SLC12A1: variants seen among roughly 807,000 people sequenced by gnomAD.
The protein encoded by SLC12A1 is Na-K-2Cl cotransporter.
SLC12A1 carries 89 observed loss-of-function variants against 130.4 expected under a neutral mutation model. The ratio of observed to expected loss-of-function variants is 0.68; its 90% CI spans 0.58 to 0.81. The LOEUF is 0.81. Among genes scored for constraint, SLC12A1 ranks in the 40% least tolerant of loss-of-function variants. The pLI is 0.00. For missense variants in SLC12A1, 1,310 were observed against 1,336.4 expected (o/e 0.98, Z 0.31); for synonymous variants, 499 against 460.0 (o/e 1.08, Z -1.09).
At chr15:48,295,562 A>T (rs1304494408) in intron 24 of SLC12A1, among the ~76,000 whole-genome samples, 1 of 152,130 alleles carries the variant, frequency 6.6e-6, no homozygotes, top group Non-Finnish European at 1.5e-5. Flanking sequence ...GATGTCCACC[A>T]TGTTAATTTG....
intron 20 of SLC12A1, among the ~76,000 whole-genome samples, chr15:48,281,855 C>T (rs879862010): frequency 2.0e-4 from 30 of 152,260 alleles, no homozygotes; most frequent in Admixed American, 1.4e-3. Flanking sequence ...TTGGCTGGCT[C>T]CCCTTGTGGC....
intron 17 of SLC12A1, among the ~76,000 whole-genome samples, chr15:48,266,562 T>C (rs1030701018): frequency 2.6e-5 from 4 of 151,928 alleles, no homozygotes; most frequent in Non-Finnish European, 5.9e-5. Context: ...CTCCAGGAGC[T>C]TGTTAGAAAT....
At chr15:48,268,856 A>G (rs1296374954) in intron 18 of SLC12A1, among the ~76,000 whole-genome samples, 6 of 152,216 alleles carry the variant, frequency 3.9e-5, no homozygotes, top group Admixed American at 3.9e-4. Context: ...AATATTTTCA[A>G]CTAGGAATGG....
rs35276005 is a variant in SLC12A1, at chr15:48,275,137, T to G, written c.2485+484T>G. On this transcript the variant is annotated intron_variant, in intron 20 of 26. Coordinates refer to ENST00000380993, the MANE Select transcript of SLC12A1 (RefSeq NM_000338.3). ...AGAAACACTAATTCAGATGAGTGAC[T>G]CTTTGTTTTTTCCCTGTAGAGAATT... Among the ~76,000 whole-genome samples, 359 of 152,326 alleles carry G rather than the reference T, an allele frequency of 2.4e-3. 2 individuals are homozygous for G. The highest frequency in any genetic ancestry group is 8.3e-3 in the African/African-American group (346 of 41,574).
chr15:48,208,456 G>T (rs972847747), intron 2 of SLC12A1, among the ~76,000 whole-genome samples: 1 of 152,058 alleles, frequency 6.6e-6, no homozygotes, highest in Non-Finnish European at 1.5e-5. Flanking sequence ...GGGACTGCAG[G>T]CATGCACCAC....
At chr15:48,253,939 AT>A (rs1753313812) in intron 15 of SLC12A1, among the ~76,000 whole-genome samples, 1 of 152,190 alleles carries the variant, frequency 6.6e-6, no homozygotes, top group South Asian at 2.1e-4. Flanking sequence ...TTTGCCATCC[AT>A]ATATCTTTTT....
chr15:48,212,193 T>C (rs1045927270), intron 2 of SLC12A1, among the ~76,000 whole-genome samples: 1 of 152,112 alleles, frequency 6.6e-6, no homozygotes, highest in Non-Finnish European at 1.5e-5. Context: ...TAAATACAAA[T>C]AAAATATTTA....
At chr15:48,268,086 T>G (rs908256789) in intron 18 of SLC12A1, among the ~76,000 whole-genome samples, 1 of 152,158 alleles carries the variant, frequency 6.6e-6, no homozygotes, top group African/African-American at 2.4e-5. Flanking sequence ...TTTTCCTTTT[T>G]TCTTTTGCAA....
chr15:48,279,629 C>T (rs1319791670), intron 20 of SLC12A1, among the ~76,000 whole-genome samples: 1 of 152,108 alleles, frequency 6.6e-6, no homozygotes, highest in African/African-American at 2.4e-5. Context: ...ACAAAAAAAG[C>T]CATGATATTT....
chr15:48,301,877 C>T (rs1448789921), intron 26 of SLC12A1, among the ~76,000 whole-genome samples: 2 of 152,124 alleles, frequency 1.3e-5, no homozygotes, highest in African/African-American at 2.4e-5. Context: ...GTTAGGGTTG[C>T]GTCTACTGAA....
At chr15:48,221,024 T>G (rs1214574173) in intron 4 of SLC12A1, 28 bp downstream of exon 4, 2 of 1,596,986 alleles carry the variant, frequency 1.3e-6, no homozygotes, top group Non-Finnish European at 1.7e-6. Context: ...CCTAAATAAT[T>G]TTGCATGTAA....
chr15:48,269,563 A>G, intron 18 of SLC12A1, 95 bp from the exon 19 acceptor site: 1 of 627,828 alleles, frequency 1.6e-6, no homozygotes, highest in Non-Finnish European at 2.9e-6. Context: ...TCTTCAGAAC[A>G]TTACTTCAGT....
At chr15:48,265,410 C>G (rs1378358921) in intron 17 of SLC12A1, among the ~76,000 whole-genome samples, 2 of 152,168 alleles carry the variant, frequency 1.3e-5, no homozygotes, top group African/African-American at 4.8e-5. Context: ...AAAGTATTTC[C>G]TGTTTGTTAT....
Position 48,285,233 on chromosome 15 carries a change from G to A in SLC12A1, c.2613G>A (p.Lys871=). 6.2e-7 allele frequency: 1 copy of A among 1,613,562 alleles called. No individual in the cohort carries two copies. Residue 871 remains lysine, a synonymous_variant, in exon 21 of 27, where the codon AAG becomes AAA. Transcript: ENST00000380993. The part of the protein sequence containing the change: ...FKKAGKLNIT[K]TTPKKDGSIN... ...AAGCTGGCAAGTTGAACATTACTAA[G>A]ACAACGCCTAAAAAAGGTAAGAACT...
At chr15:48,209,801 G>A (rs1179639893) in intron 2 of SLC12A1, among the ~76,000 whole-genome samples, 1 of 152,162 alleles carries the variant, frequency 6.6e-6, no homozygotes, top group African/African-American at 2.4e-5. Flanking sequence ...GAGACCAAGT[G>A]ACTTCCTGAG....
intron 15 of SLC12A1, 112 bp from the exon 16 acceptor site, chr15:48,255,699 C>T (rs1274681898): frequency 1.4e-6 from 1 of 704,422 alleles, no homozygotes; most frequent in Non-Finnish European, 2.4e-6. Flanking sequence ...GGGCACTCAT[C>T]TTTGCTGGCA....
At chr15:48,246,508 C>T (rs561294956) in intron 11 of SLC12A1, among the ~76,000 whole-genome samples, 51 of 152,240 alleles carry the variant, frequency 3.3e-4, no homozygotes, top group African/African-American at 8.9e-4. Flanking sequence ...TGGCCAAGTG[C>T]GGTGGCTCAC....
intron 7 of SLC12A1, among the ~76,000 whole-genome samples, chr15:48,230,807 A>T (rs2041366219): frequency 6.6e-6 from 1 of 152,206 alleles, no homozygotes; most frequent in Admixed American, 6.5e-5. Flanking sequence ...TGGGTCTCTC[A>T]ATCACAAACC....
At position 48,260,284 on chromosome 15, in the gene SLC12A1, ATAAAG is replaced by A. The variant is rs546146855; in HGVS notation, c.2154+975_2154+979del. 4.8e-3 allele frequency among the ~76,000 whole-genome samples: 729 copies of A among 151,080 alleles called. 8 individuals are homozygous for A. The highest frequency in any genetic ancestry group is 0.045 in the Middle Eastern group (13 of 290). ...CATAATAATAATAATAATAATAATA[ATAAAG>A]TCTAAGTCCTCCACACTAGCCCACC... On this transcript the variant is annotated intron_variant, in intron 17 of 26. Transcript: ENST00000380993.
Sources: gnomAD v4.1 joint callset for allele counts (sites outside exome capture counted in the v4.1 genomes callset) on GRCh38, gnomAD v4.1.1 for gene constraint, MANE v1.5 for transcripts, NCBI Gene and HGNC (gene_info 2026-07-23, HGNC 2026-07-21) for gene names.